Variants in HIVEP3 observed in about 807,000 individuals in gnomAD.
HIVEP3 encodes transcription factor HIVEP3.
HIVEP3 carries 49 observed loss-of-function variants against 152.8 expected under a neutral mutation model. The observed-to-expected ratio is 0.32, with a 90% CI of 0.26 to 0.41. The LOEUF is 0.41. Among genes scored for constraint, HIVEP3 ranks in the 10% least tolerant of loss-of-function variants. The pLI, the probability that HIVEP3 is intolerant of heterozygous loss-of-function variation, is 1.00. For synonymous variants in HIVEP3, 1,269 were observed against 1,289.0 expected (o/e 0.98, Z 0.33); for missense variants, 2,790 against 3,103.3 (o/e 0.90, Z 2.40).
At chr1:41,594,831 T>C (rs1458344465) in intron 3 of HIVEP3, among the ~76,000 whole-genome samples, 1 of 152,236 alleles carries the variant, frequency 6.6e-6, no homozygotes, top group Non-Finnish European at 1.5e-5. Flanking sequence ...AGTTCCATTA[T>C]GATTTATTTT....
chr1:41,732,027 G>A (rs1039272285), intron 1 of HIVEP3, among the ~76,000 whole-genome samples: 9 of 152,232 alleles, frequency 5.9e-5, no homozygotes, highest in African/African-American at 2.2e-4. Flanking sequence ...GGGATGGAGA[G>A]GAAACAAAAG....
At chr1:41,942,302 C>T (rs527862446) in intron 1 of HIVEP3, among the ~76,000 whole-genome samples, 4 of 152,304 alleles carry the variant, frequency 2.6e-5, no homozygotes, top group African/African-American at 7.2e-5. Context: ...ATCTTTTCAT[C>T]CTTTTACTCT....
At chr1:42,006,343 A>G (rs1645459237) in intron 1 of HIVEP3, among the ~76,000 whole-genome samples, 1 of 152,178 alleles carries the variant, frequency 6.6e-6, no homozygotes, top group Non-Finnish European at 1.5e-5. Flanking sequence ...GCAAAGCACC[A>G]GAGCAGCGGT....
chr1:41,689,023 T>G (rs989629185), intron 2 of HIVEP3, among the ~76,000 whole-genome samples: 1 of 152,122 alleles, frequency 6.6e-6, no homozygotes, highest in African/African-American at 2.4e-5. Flanking sequence ...ATTTCCAACT[T>G]CTAAAAAAAA....
intron 5 of HIVEP3, among the ~76,000 whole-genome samples, chr1:41,544,980 A>T (rs1372448752): frequency 1.3e-5 from 1 of 78,192 alleles, no homozygotes. Context: ...CACCACTATC[A>T]CCGCCACCAC....
At chr1:41,946,582 T>C (rs1645076418) in intron 1 of HIVEP3, among the ~76,000 whole-genome samples, 1 of 152,130 alleles carries the variant, frequency 6.6e-6, no homozygotes, top group East Asian at 1.9e-4. Context: ...ACTCGCTTGT[T>C]AGGGAGAGAC....
chr1:41,762,804 C>A (rs915920753), intron 1 of HIVEP3, among the ~76,000 whole-genome samples: 2 of 152,234 alleles, frequency 1.3e-5, no homozygotes, highest in Non-Finnish European at 2.9e-5. Flanking sequence ...CATCACCAGC[C>A]ATGAAGGTCT....
At chr1:41,702,418 C>T (rs1023983807) in intron 1 of HIVEP3, among the ~76,000 whole-genome samples, 1 of 152,052 alleles carries the variant, frequency 6.6e-6, no homozygotes, top group Non-Finnish European at 1.5e-5. Flanking sequence ...TGGTTCATGC[C>T]CAGCTCTGTA....
At position 41,611,482 on chromosome 1, in the gene HIVEP3, G is replaced by A. The variant is rs72953345; in HGVS notation, c.-522+17267C>T. 2.3e-3 allele frequency among the ~76,000 whole-genome samples: 347 copies of A among 152,314 alleles called. 1 individual carries two copies. The highest frequency in any genetic ancestry group is 4.8e-3 in the South Asian group (23 of 4,826). On this transcript the variant is annotated intron_variant, in intron 3 of 8. Coordinates refer to ENST00000372583, the MANE Select transcript of HIVEP3 (RefSeq NM_024503.5). ...GTCCTCAGAACGAGCCTATCAGGCC[G>A]GCAATGTTTTTACATCCATCTCACA...
intron 1 of HIVEP3, among the ~76,000 whole-genome samples, chr1:41,937,267 G>A (rs939990626): frequency 6.6e-6 from 1 of 152,086 alleles, no homozygotes; most frequent in Non-Finnish European, 1.5e-5. Context: ...CCCCTCTCCT[G>A]CAGTCCTGGG....
intron 1 of HIVEP3, among the ~76,000 whole-genome samples, chr1:42,033,017 T>C (rs780374487): frequency 3.0e-4 from 46 of 152,162 alleles, no homozygotes; most frequent in Middle Eastern, 3.4e-3. Context: ...CCTGGAGGTG[T>C]CCAAGCAGGA....
At chr1:41,692,724 C>T (rs1558184694) in intron 2 of HIVEP3, among the ~76,000 whole-genome samples, 2 of 152,188 alleles carry the variant, frequency 1.3e-5, no homozygotes, top group Non-Finnish European at 2.9e-5. Context: ...AATGGACGTT[C>T]CATACCCTTT....
Position 41,579,994 on chromosome 1 carries a change from T to A in HIVEP3, c.4804A>T (p.Thr1602Ser), listed in dbSNP as rs753569200. The change falls in exon 4 of 9, where the codon ACT becomes TCT. Residue 1602 changes from threonine to serine, a missense_variant. Physicochemically the swap from Thr to Ser is moderately conservative, Grantham distance 58. Around this residue, in one of 9 missense-constraint regions of HIVEP3, gnomAD observed 1,078 missense variants for 1,165.3 expected, o/e 0.93. Transcript: ENST00000372583. Reference protein sequence around the residue: ...VLQFPSLHTTTNVSWCYLNYI... With the variant: ...VLQFPSLHTTSNVSWCYLNYI... ...TTTAAATAGCACCAACTGACATTAG[T>A]GGTTGTGTGGAGGCTGGGGAACTGC... 1.2e-6 allele frequency: 2 copies of A among 1,614,176 alleles called. No homozygotes were observed. Among genetic ancestry groups the A allele is most frequent in the Non-Finnish European group, 1.7e-6 (2 of 1,180,038 alleles).
At chr1:41,638,376 AGAG>A (rs1487652887) in intron 2 of HIVEP3, among the ~76,000 whole-genome samples, 12 of 130,296 alleles carry the variant, frequency 9.2e-5, no homozygotes, top group African/African-American at 4.0e-4. Context: ...AAAGAAAGGG[AGAG>A]AGAGAGAAAG....
intron 3 of HIVEP3, among the ~76,000 whole-genome samples, chr1:41,609,738 C>A (rs935931255): frequency 3.3e-5 from 5 of 152,236 alleles, no homozygotes; most frequent in Admixed American, 6.5e-5. Context: ...TCAGAACACA[C>A]GCCGTTCCCA....
intron 1 of HIVEP3, among the ~76,000 whole-genome samples, chr1:41,843,525 AG>A (rs1643349056): frequency 6.6e-6 from 1 of 152,140 alleles, no homozygotes; most frequent in Admixed American, 6.5e-5. Context: ...CAATTCCAGA[AG>A]CCACTCTTCT....
chr1:41,612,933 C>A (rs1043162920), intron 3 of HIVEP3, among the ~76,000 whole-genome samples: 3 of 152,234 alleles, frequency 2.0e-5, no homozygotes, highest in Admixed American at 2.0e-4. Context: ...GTTTGCCACA[C>A]AGAAATGGGG....
At chr1:41,517,689 C>G (rs1184371196) in intron 7 of HIVEP3, among the ~76,000 whole-genome samples, 1 of 152,148 alleles carries the variant, frequency 6.6e-6, no homozygotes, top group East Asian at 1.9e-4. Flanking sequence ...CCACCAAAGC[C>G]CCTCTGGCCA....
At chr1:41,637,671 G>A (rs1645297909) in intron 2 of HIVEP3, among the ~76,000 whole-genome samples, 1 of 152,238 alleles carries the variant, frequency 6.6e-6, no homozygotes, top group African/African-American at 2.4e-5. Flanking sequence ...GAAAGGACCT[G>A]GGGGATGCAA....
Sources: allele counts gnomAD v4.1 joint callset (sites outside exome capture counted in the v4.1 genomes callset), GRCh38; gene constraint gnomAD v4.1.1; regional missense constraint gnomAD v4.1.1; transcripts MANE v1.5; gene names NCBI Gene and HGNC (gene_info 2026-07-23, HGNC 2026-07-21).